Variants in PTCHD4 observed in about 807,000 individuals in gnomAD.
PTCHD4 encodes patched domain containing 4.
A neutral mutation model predicts 58.1 loss-of-function variants in PTCHD4; 33 were observed. The ratio of observed to expected loss-of-function variants is 0.57; its 90% CI spans 0.43 to 0.76. The LOEUF (loss-of-function observed/expected upper bound fraction) is 0.76, where lower values mean the gene tolerates loss of function less well. Ranked by LOEUF, PTCHD4 falls within the 30% of genes least tolerant of loss-of-function variation. PTCHD4 has a pLI of 0.00. For missense variants in PTCHD4, 1,058 were observed against 1,027.1 expected, an observed-to-expected ratio of 1.03 and a Z score of -0.41; for synonymous variants, 478 against 409.6, an observed-to-expected ratio of 1.17 and a Z score of -2.02.
intron 3 of PTCHD4, among the ~76,000 whole-genome samples, chr6:48,052,128 G>A (rs1049560083): frequency 6.6e-6 from 1 of 152,028 alleles, no homozygotes; most frequent in South Asian, 2.1e-4. Context: ...ACAGGGAGGA[G>A]AAAGTTGAGA....
In PTCHD4 at chr6:48,068,719, C is replaced by G. The variant is rs1764896677; in HGVS notation, c.6-78G>C. The G allele has an allele frequency of 9.3e-6, 13 of 1,394,152 alleles. No homozygotes were observed. In the South Asian group the frequency reaches 1.9e-4, roughly 20 times the overall value. The allele number at this position is 1,394,152 out of a possible 1,614,324, so 86.4% of individuals were successfully genotyped here. On this transcript the variant is annotated intron_variant, in intron 2 of 4. Transcript: ENST00000339488. This position sits in a 1 kb window ranked among gnomAD's most constrained non-coding sequence, Gnocchi z 4.2. ...ATCCCACCCCCTGGGGCCAGTCCCC[C>G]CTCCCCACCGCCGCCGCCTCCCCAC...
chr6:48,101,955 T>C (rs191847188), intron 1 of PTCHD4, among the ~76,000 whole-genome samples: 4 of 152,264 alleles, frequency 2.6e-5, no homozygotes, highest in East Asian at 1.9e-4. Context: ...CAAGTCTTTT[T>C]CCCAATAAAC....
At chr6:48,095,744 A>AAAAAC (rs1554182423) in intron 1 of PTCHD4, among the ~76,000 whole-genome samples, 16 of 151,876 alleles carry the variant, frequency 1.1e-4, no homozygotes, top group African/African-American at 3.6e-4. Context: ...AAAAAAAAAA[A>AAAAAC]AAACAAATAT....
chr6:47,936,149 G>A (rs923867146), intron 4 of PTCHD4, among the ~76,000 whole-genome samples: 1 of 152,114 alleles, frequency 6.6e-6, no homozygotes, highest in Non-Finnish European at 1.5e-5. Flanking sequence ...AAACAAGAGG[G>A]GACAAAACAA....
Position 48,008,683 on chromosome 6 carries a change from G to A in PTCHD4, c.849C>T (p.Thr283=), listed in dbSNP as rs139916762. The A allele has an allele frequency of 1.6e-4, 263 of 1,613,506 alleles. 1 individual carries two copies. The African/African-American group carries it at 1.7e-3, about 11-fold the overall frequency. ...IITAAGIFFI[T]DGKYNSTLLG... is the part of the protein sequence containing the mutation. ...GCAGGGTGGAGTTGTACTTTCCATC[G>A]GTGATGAAGAAGATCCCTGCTGCTG... Residue 283 remains threonine (T), a synonymous_variant, in exon 4 of 5, where the codon ACC becomes ACT. Transcript: ENST00000339488.
At chr6:47,912,271 C>T (rs1007964719) in intron 4 of PTCHD4, among the ~76,000 whole-genome samples, 1 of 151,776 alleles carries the variant, frequency 6.6e-6, no homozygotes, top group South Asian at 2.1e-4. Flanking sequence ...AAATTCCCAC[C>T]CCCATCCCAT....
At chr6:47,910,831 T>C (rs1765045667) in intron 4 of PTCHD4, among the ~76,000 whole-genome samples, 2 of 152,154 alleles carry the variant, frequency 1.3e-5, no homozygotes, top group Non-Finnish European at 2.9e-5. Flanking sequence ...AAGAATATGT[T>C]ATAAACATTT....
intron 4 of PTCHD4, among the ~76,000 whole-genome samples, chr6:47,916,273 T>C (rs928138443): frequency 1.3e-5 from 2 of 152,090 alleles, no homozygotes; most frequent in Non-Finnish European, 2.9e-5. Context: ...GAAATGTTAA[T>C]GGAGGAGGCA....
intron 4 of PTCHD4, among the ~76,000 whole-genome samples, chr6:47,982,333 T>G (rs1312236335): frequency 6.6e-6 from 1 of 152,168 alleles, no homozygotes; most frequent in African/African-American, 2.4e-5. Context: ...TATCACAATC[T>G]GCTCTTTTTC....
At position 47,865,066 on chromosome 6, in the gene PTCHD4, A is replaced by T. The variant is rs2114065725; in HGVS notation, c.*13237T>A. ...TGCTAAATTCCCTGAAATGCAAATA[A>T]ATCTCAAGAATTATTTGCTAATTAA... On this transcript the variant is annotated 3_prime_UTR_variant, in exon 5 of 5. Transcript: ENST00000339488. 6.6e-6 allele frequency among the ~76,000 whole-genome samples: 1 copy of T among 152,008 alleles called. No individual in the cohort carries two copies. The highest frequency in any genetic ancestry group is 3.4e-3 in the Middle Eastern group (1 of 294).
chr6:47,922,570 T>C (rs1274496703), intron 4 of PTCHD4, among the ~76,000 whole-genome samples: 3 of 152,208 alleles, frequency 2.0e-5, no homozygotes, highest in East Asian at 1.9e-4. Context: ...CCTTCCTCCA[T>C]GTGGATCCAG....
At chr6:47,932,551 A>G (rs755726877) in intron 4 of PTCHD4, among the ~76,000 whole-genome samples, 2 of 152,258 alleles carry the variant, frequency 1.3e-5, no homozygotes, top group Non-Finnish European at 2.9e-5. Context: ...GGTGTGATTC[A>G]GTAACTATGT....
At chr6:47,951,130 T>C (rs1243525478) in intron 4 of PTCHD4, among the ~76,000 whole-genome samples, 3 of 152,182 alleles carry the variant, frequency 2.0e-5, no homozygotes, top group Admixed American at 6.5e-5. Context: ...ATAGGAGATA[T>C]TGTGGCATGA....
rs575114606 is a variant in PTCHD4, at chr6:48,088,810, G to A, written c.-969-18884C>T. ...TGTAATCCCAGCGCTCTGGGAGGCC[G>A]AGGCGGGTGGATTACCTGAGGTCAG... On this transcript the variant is annotated intron_variant, in intron 1 of 4. Transcript: ENST00000339488. Among the ~76,000 whole-genome samples, 5 of 152,222 alleles carry A rather than the reference G, an allele frequency of 3.3e-5. No homozygotes were observed. In the East Asian group the frequency reaches 7.7e-4, roughly 24 times the overall value.
At chr6:47,900,818 T>G (rs1318973599) in intron 4 of PTCHD4, 1 of 152,226 alleles carries the variant, frequency 6.6e-6, no homozygotes, top group African/African-American at 2.4e-5. Context: ...GTATATTATG[T>G]TAATGATTTT....
rs1398993772 is a variant in PTCHD4, at chr6:47,857,002, C to G, written c.*21301G>C. 6.6e-6 allele frequency among the ~76,000 whole-genome samples: 1 copy of G among 152,004 alleles called. No homozygotes were observed. The highest frequency in any genetic ancestry group is 1.5e-5 in the Non-Finnish European group (1 of 67,972). On this transcript the variant is annotated 3_prime_UTR_variant, in exon 5 of 5. Coordinates refer to ENST00000339488, the MANE Select transcript of PTCHD4 (RefSeq NM_001384253.1). ...ACTGCCAAAAGCTGAAGCATGACAA[C>G]ATTGATGATCAAGGTTGCTTAGGGA...
At chr6:48,016,983 G>C (rs903664627) in intron 3 of PTCHD4, among the ~76,000 whole-genome samples, 1 of 152,162 alleles carries the variant, frequency 6.6e-6, no homozygotes, top group African/African-American at 2.4e-5. Context: ...AGATTTCATT[G>C]ATTTTCCATG....
At chr6:48,020,711 G>A (rs1763036888) in intron 3 of PTCHD4, among the ~76,000 whole-genome samples, 1 of 152,034 alleles carries the variant, frequency 6.6e-6, no homozygotes. Flanking sequence ...GCAGCATGGA[G>A]ACTTACAATA....
chr6:48,088,182 A>G (rs558880395), intron 1 of PTCHD4, among the ~76,000 whole-genome samples: 75 of 152,350 alleles, frequency 4.9e-4, no homozygotes, highest in African/African-American at 1.6e-3. Flanking sequence ...GATAAAACAC[A>G]AAGCAATATT....
Sources: allele counts gnomAD v4.1 joint callset (sites outside exome capture counted in the v4.1 genomes callset), GRCh38; gene constraint gnomAD v4.1.1; non-coding constraint Gnocchi (gnomAD v3.1); transcripts MANE v1.5; gene names NCBI Gene and HGNC (gene_info 2026-07-23, HGNC 2026-07-21).